RFTN1: variants seen among roughly 807,000 people sequenced by gnomAD.
RFTN1 encodes raftlin, lipid raft linker 1.
Under a neutral mutation model 46.5 loss-of-function variants are expected in RFTN1, and 26 were observed. The observed-to-expected ratio is 0.56, with a 90% CI of 0.41 to 0.78. The LOEUF (loss-of-function observed/expected upper bound fraction) is 0.78. Among genes scored for constraint, RFTN1 ranks in the 30% least tolerant of loss-of-function variants. RFTN1 has a pLI of 0.00. For synonymous variants in RFTN1, 261 were observed against 284.2 expected (o/e 0.92, Z 0.82); for missense variants, 693 against 718.7 (o/e 0.96, Z 0.41).
intron 5 of RFTN1, among the ~76,000 whole-genome samples, chr3:16,372,833 T>A (rs1470441774): frequency 2.0e-5 from 3 of 152,086 alleles, no homozygotes; most frequent in African/African-American, 7.2e-5. Context: ...GAGACAGAAA[T>A]AAATTTCTCA....
At chr3:16,437,651 CTAAA>C (rs561853711) in intron 2 of RFTN1, among the ~76,000 whole-genome samples, 28 of 151,806 alleles carry the variant, frequency 1.8e-4, no homozygotes, top group East Asian at 7.7e-4. Context: ...GACAGAGTTA[CTAAA>C]TAAATAAATA....
intron 8 of RFTN1, among the ~76,000 whole-genome samples, chr3:16,325,783 A>G (rs1208146496): frequency 6.6e-6 from 1 of 152,210 alleles, no homozygotes; most frequent in African/African-American, 2.4e-5. Context: ...AGGGACTAGG[A>G]AAGACATCAG....
At chr3:16,372,714 A>G (rs919676378) in intron 5 of RFTN1, among the ~76,000 whole-genome samples, 2 of 152,234 alleles carry the variant, frequency 1.3e-5, no homozygotes, top group Non-Finnish European at 2.9e-5. Context: ...CCAAAGGAGA[A>G]GTGAGAATGC....
At position 16,317,354 on chromosome 3, in the gene RFTN1, C is replaced by T. The variant is rs1575213130; in HGVS notation, c.1333-122G>A. The T allele has an allele frequency of 1.9e-6, 2 of 1,053,386 alleles. No individual in the cohort carries two copies. The highest frequency in any genetic ancestry group is 5.1e-5 in the East Asian group (2 of 39,116). 65.3% of individuals were successfully genotyped at this position (1,053,386 alleles called of 1,614,324 possible). A position where few individuals can be genotyped will look rare whatever the true frequency, so the allele number is the denominator to read the frequency against. On this transcript the variant is annotated intron_variant, in intron 9 of 9. Transcript: ENST00000334133. This position sits in a 1 kb window ranked among gnomAD's most constrained non-coding sequence, Gnocchi z 4.3. ...GTGAGACATACAATTCCCAGCATCC[C>T]CCAGCCAGGCAGTACAGGCACCAAA...
chr3:16,447,560 G>A lies in RFTN1; in HGVS notation c.146-13523C>T, dbSNP rs1316876877. 6.6e-6 allele frequency among the ~76,000 whole-genome samples: 1 copy of A among 152,124 alleles called. No individual in the cohort carries two copies. The highest frequency in any genetic ancestry group is 1.5e-5 in the Non-Finnish European group (1 of 68,028). On this transcript the variant is annotated intron_variant, in intron 2 of 9. Coordinates refer to ENST00000334133, the MANE Select transcript of RFTN1 (RefSeq NM_015150.2). The surrounding 1 kb of genome is among the most constrained non-coding windows in gnomAD (Gnocchi z 5.9). ...TTTGGTTCCCACTAAAGAAAACGGG[G>A]TCCCTAATGGTGTTTGGGGGCACAT...
In RFTN1 at chr3:16,402,395, A is replaced by G. The variant is rs1160867585; in HGVS notation, c.441+6980T>C. 1.3e-5 allele frequency among the ~76,000 whole-genome samples: 2 copies of G among 151,692 alleles called. No homozygotes were observed. Among genetic ancestry groups the G allele is most frequent in the African/African-American group, 4.9e-5 (2 of 41,230 alleles). On this transcript the variant is annotated intron_variant, in intron 4 of 9. Coordinates refer to ENST00000334133, the MANE Select transcript of RFTN1 (RefSeq NM_015150.2). The surrounding 1 kb of genome is among the most constrained non-coding windows in gnomAD (Gnocchi z 4.5). ...AAGACACACTCATTGCTGGGATGAC[A>G]CTCCATTTTCTGCCTTTACTTCCCC...
Position 16,361,528 on chromosome 3 carries a change from A to G in RFTN1, c.1031-3481T>C, listed in dbSNP as rs1448211261. The stretch of plus-strand genomic sequence containing the variant: ...AAGAGGCATCAGGGTAGGGCTCCCC[A>G]CTTCGAGTGAACTAAGCAAGCAAGG... On this transcript the variant is annotated intron_variant, in intron 6 of 9. Coordinates refer to ENST00000334133, the MANE Select transcript of RFTN1 (RefSeq NM_015150.2). The surrounding 1 kb of genome is among the most constrained non-coding windows in gnomAD (Gnocchi z 4.3). Among the ~76,000 whole-genome samples the G allele has an allele frequency of 6.6e-6, 1 of 152,208 alleles. No homozygotes were observed. Among genetic ancestry groups the G allele is most frequent in the African/African-American group, 2.4e-5 (1 of 41,448 alleles).
intron 8 of RFTN1, 124 bp downstream of exon 8, chr3:16,326,649 T>G: frequency 2.8e-6 from 2 of 703,944 alleles, no homozygotes; most frequent in Non-Finnish European, 2.3e-6. Flanking sequence ...AGTGGGAGAG[T>G]TTACATAACT....
Position 16,457,871 on chromosome 3 carries a change from G to T in RFTN1, c.146-23834C>A, listed in dbSNP as rs1444572656. On this transcript the variant is annotated intron_variant, in intron 2 of 9. Transcript: ENST00000334133. This position sits in a 1 kb window ranked among gnomAD's most constrained non-coding sequence, Gnocchi z 4.2. ...TCCTTTTGAGAGGTGCTTAGGTCAT[G>T]AGGGCTCAGCCCTTATGAGTGGATT... 6.6e-6 allele frequency among the ~76,000 whole-genome samples: 1 copy of T among 152,214 alleles called. No individual in the cohort carries two copies. The highest frequency in any genetic ancestry group is 1.5e-5 in the Non-Finnish European group (1 of 68,040).
rs1350031673 is a variant in RFTN1 at position 16,329,800 on chromosome 3, A to AC, written c.1147-2925dup. On this transcript the variant is annotated intron_variant, in intron 7 of 9. Transcript: ENST00000334133. This position sits in a 1 kb window ranked among gnomAD's most constrained non-coding sequence, Gnocchi z 4.5. Reference sequence around the variant, plus strand: ...ACTGTGACAAACCCGCCACAATCAGACAGTAGCCATGGCAACCAGGACAAG... The same window carrying AC: ...ACTGTGACAAACCCGCCACAATCAGACCAGTAGCCATGGCAACCAGGACAAG... 1.3e-5 allele frequency among the ~76,000 whole-genome samples: 2 copies of AC among 152,190 alleles called. No individual in the cohort carries two copies. The highest frequency in any genetic ancestry group is 2.9e-5 in the Non-Finnish European group (2 of 68,034).
In RFTN1 at chr3:16,404,321, A is replaced by T. The variant is rs536699332; in HGVS notation, c.441+5054T>A. On this transcript the variant is annotated intron_variant, in intron 4 of 9. Transcript: ENST00000334133. ...ATAATATGTAATATATATTATATATAATATATAATATATAATATATATAAT... is the reference window on the plus strand; with the variant it reads ...ATAATATGTAATATATATTATATATTATATATAATATATAATATATATAAT... 2.9e-3 allele frequency among the ~76,000 whole-genome samples: 66 copies of T among 22,516 alleles called. 2 individuals are homozygous for T. Among genetic ancestry groups the T allele is most frequent in the South Asian group, 0.011 (7 of 638 alleles). 14.8% of individuals were successfully genotyped at this position (22,516 alleles called of 152,430 possible). A position where few individuals can be genotyped will look rare whatever the true frequency, so the allele number is the denominator to read the frequency against.
intron 3 of RFTN1, among the ~76,000 whole-genome samples, chr3:16,417,623 C>A (rs2125461932): frequency 6.6e-6 from 1 of 152,302 alleles, no homozygotes; most frequent in East Asian, 1.9e-4. Context: ...CACTCACCAC[C>A]ACCCTAGCGT....
intron 7 of RFTN1, among the ~76,000 whole-genome samples, chr3:16,343,335 C>G (rs897518422): frequency 1.3e-5 from 2 of 152,220 alleles, no homozygotes; most frequent in African/African-American, 4.8e-5. Flanking sequence ...CATACACTCT[C>G]CAATTAGACC....
chr3:16,356,522 C>T lies in RFTN1; in HGVS notation c.1146+1410G>A, dbSNP rs1443709538. ...CCCAACAGCCTTGCTCCTCACTTCA[C>T]GTGTGCTGGGAACTGCTGCAGCTTC... On this transcript the variant is annotated intron_variant, in intron 7 of 9. Coordinates refer to ENST00000334133, the MANE Select transcript of RFTN1 (RefSeq NM_015150.2). The surrounding 1 kb of genome is among the most constrained non-coding windows in gnomAD (Gnocchi z 4.9). Among the ~76,000 whole-genome samples the T allele has an allele frequency of 2.0e-5, 3 of 152,224 alleles. No homozygotes were observed. The highest frequency in any genetic ancestry group is 4.8e-5 in the African/African-American group (2 of 41,456).
intron 7 of RFTN1, among the ~76,000 whole-genome samples, chr3:16,354,244 C>G (rs902875035): frequency 6.6e-6 from 1 of 152,188 alleles, no homozygotes; most frequent in Non-Finnish European, 1.5e-5. Flanking sequence ...TATGAGAACA[C>G]AGAGGAGGGG....
At chr3:16,372,313 C>T (rs2073551369) in intron 5 of RFTN1, among the ~76,000 whole-genome samples, 2 of 152,152 alleles carry the variant, frequency 1.3e-5, no homozygotes, top group South Asian at 4.1e-4. Flanking sequence ...TCAGATTCAC[C>T]CACCAAGGGC....
intron 6 of RFTN1, among the ~76,000 whole-genome samples, chr3:16,364,372 A>T (rs2073022051): frequency 6.6e-6 from 1 of 151,694 alleles, no homozygotes; most frequent in Non-Finnish European, 1.5e-5. Flanking sequence ...TTCAAGGGCC[A>T]AGCCAGATCT....
In RFTN1 at chr3:16,465,776, C is replaced by G. The variant is rs574842623; in HGVS notation, c.145+27949G>C. Among the ~76,000 whole-genome samples the G allele has an allele frequency of 7.2e-5, 11 of 152,320 alleles. No homozygotes were observed. In the South Asian group the frequency reaches 2.3e-3, roughly 32 times the overall value. ...AAGGCTGAGCAGGGGATGTCCACAT[C>G]TTGCCAACCCTGGAGCTCCATTTTC... On this transcript the variant is annotated intron_variant, in intron 2 of 9. Coordinates refer to ENST00000334133, the MANE Select transcript of RFTN1 (RefSeq NM_015150.2). The surrounding 1 kb of genome is among the most constrained non-coding windows in gnomAD (Gnocchi z 5.1).
At position 16,457,162 on chromosome 3, in the gene RFTN1, C is replaced by A. The variant is rs1375551661; in HGVS notation, c.146-23125G>T. 6.6e-6 allele frequency among the ~76,000 whole-genome samples: 1 copy of A among 152,232 alleles called. No individual in the cohort carries two copies. Among genetic ancestry groups the A allele is most frequent in the Non-Finnish European group, 1.5e-5 (1 of 68,040 alleles). On this transcript the variant is annotated intron_variant, in intron 2 of 9. Coordinates refer to ENST00000334133, the MANE Select transcript of RFTN1 (RefSeq NM_015150.2). The surrounding 1 kb of genome is among the most constrained non-coding windows in gnomAD (Gnocchi z 4.2). ...GTACAGATGACTAACTGCTTCTACG[C>A]AGAGCTGTGCAGCGTTTCTACCAAA...
Sources: allele counts gnomAD v4.1 joint callset (sites outside exome capture counted in the v4.1 genomes callset), GRCh38; gene constraint gnomAD v4.1.1; non-coding constraint Gnocchi (gnomAD v3.1); transcripts MANE v1.5; gene names NCBI Gene and HGNC (gene_info 2026-07-23, HGNC 2026-07-21).